The following PIWIL3 variants were observed in gnomAD, a reference collection of about 807,000 sequenced individuals.
The protein encoded by PIWIL3 is piwi-like protein 3.
A neutral mutation model predicts 109.7 loss-of-function variants in PIWIL3; 101 were observed. That is an observed-to-expected ratio of 0.92 (90% CI 0.78 to 1.09). PIWIL3 has a LOEUF of 1.09. Ranked by LOEUF, PIWIL3 falls within the 50% of genes least tolerant of loss-of-function variation. PIWIL3 has a pLI of 0.00. For missense variants in PIWIL3, 1,031 were observed against 1,072.6 expected, an observed-to-expected ratio of 0.96 and a Z score of 0.54; for synonymous variants, 373 against 376.4, an observed-to-expected ratio of 0.99 and a Z score of 0.10.
At chr22:24,728,411 A>G in intron 14 of PIWIL3, 37 bp from the exon 15 acceptor site, 1 of 1,612,576 alleles carries the variant, frequency 6.2e-7, no homozygotes, top group Non-Finnish European at 8.5e-7. Context: ...CCTAAGATAC[A>G]ACAACAGTGA....
chr22:24,739,555 GA>G (rs139722402), intron 12 of PIWIL3, among the ~76,000 whole-genome samples: 5,670 of 149,276 alleles, frequency 0.038, 182 homozygotes, highest in South Asian at 0.13. Flanking sequence ...AGTGCTGTAG[GA>G]AAAAAAAAAT....
At position 24,759,959 on chromosome 22, in the gene PIWIL3, G is replaced by C. The variant is rs963075628; in HGVS notation, c.133C>G (p.Pro45Ala). ...GGGACTTCCTCCTGCAGCGGCCGGGGTGTCGACTGCAACTGAGGGGGCTCC... is the reference window on the plus strand; with the variant it reads ...GGGACTTCCTCCTGCAGCGGCCGGGCTGTCGACTGCAACTGAGGGGGCTCC... ...TQEPPQLQST[P>A]RPLQEEVPVV... Residue 45 changes from proline to alanine, a missense_variant, in exon 3 of 21, where the codon CCC (proline) becomes GCC (alanine). Pro to Ala is a conservative substitution (Grantham distance 27). Coordinates refer to ENST00000616349, the MANE Select transcript of PIWIL3 (RefSeq NM_001255975.1). The C allele has an allele frequency of 2.5e-6, 4 of 1,614,016 alleles. No individual in the cohort carries two copies. In the African/African-American group the frequency reaches 4.0e-5, roughly 16 times the overall value.
chr22:24,725,484 CT>C lies in PIWIL3; in HGVS notation c.2040del (p.Gly681GlufsTer5), dbSNP rs1922937778. 1.9e-6 allele frequency: 3 copies of C among 1,613,980 alleles called. No individual in the cohort carries two copies. In the African/African-American group the frequency reaches 4.0e-5, roughly 22 times the overall value. On this transcript the variant is annotated frameshift_variant, in exon 17 of 21. Coordinates refer to ENST00000616349, the MANE Select transcript of PIWIL3 (RefSeq NM_001255975.1). LOFTEE classifies it high-confidence loss of function. ...KWYSQCVIQK[T>X]GEELVKELEI... is the part of the protein sequence containing the mutation. ...TCCAGCTCTTTCACAAGCTCTTCTC[CT>C]GTTTTCTGGATGACACATTGAGAGT...
chr22:24,757,098 A>AAAAAAAAAAAAAAAAG (rs1555912998), intron 4 of PIWIL3, among the ~76,000 whole-genome samples: 44 of 146,478 alleles, frequency 3.0e-4, no homozygotes, highest in African/African-American at 1.1e-3. Flanking sequence ...AAAAAAAAAA[A>AAAAAAAAAAAAAAAAG]AAAAGAAAAG....
intron 4 of PIWIL3, 66 bp from the exon 5 acceptor site, chr22:24,756,771 C>A: frequency 1.4e-6 from 2 of 1,386,168 alleles, no homozygotes; most frequent in Non-Finnish European, 1.0e-6. Context: ...ACAGTTTGGA[C>A]ACTACAATAT....
intron 12 of PIWIL3, among the ~76,000 whole-genome samples, chr22:24,745,502 A>T (rs1924298553): frequency 1.3e-5 from 2 of 151,886 alleles, no homozygotes; most frequent in South Asian, 4.2e-4. Context: ...AGCCAGAATC[A>T]CCCCACTACA....
At chr22:24,758,958 G>A (rs185134613) in intron 3 of PIWIL3, among the ~76,000 whole-genome samples, 3 of 152,290 alleles carry the variant, frequency 2.0e-5, no homozygotes, top group African/African-American at 4.8e-5. Context: ...CAGTGGCACT[G>A]TCTCAGCTCA....
Position 24,762,101 on chromosome 22 carries a change from T to A in PIWIL3, c.102+297A>T, listed in dbSNP as rs565305058. ...CAGGAAGTTGCTCATTTTGGGTCAC[T>A]TCCAAAGAGGAGTCATTGGCTGAAG... On this transcript the variant is annotated intron_variant, in intron 2 of 20. Coordinates refer to ENST00000616349, the MANE Select transcript of PIWIL3 (RefSeq NM_001255975.1). 9.7e-6 allele frequency: 9 copies of A among 931,574 alleles called. No individual in the cohort carries two copies. In the Admixed American group the frequency reaches 3.5e-4, roughly 36 times the overall value. 57.7% of individuals were successfully genotyped at this position (931,574 alleles called of 1,614,324 possible).
At chr22:24,753,468 T>C (rs944667141) in intron 8 of PIWIL3, among the ~76,000 whole-genome samples, 11 of 152,236 alleles carry the variant, frequency 7.2e-5, no homozygotes, top group Non-Finnish European at 1.5e-4. Flanking sequence ...TTCTGTACTC[T>C]ATTTCATTGG....
At chr22:24,738,393 T>C (rs138769246) in intron 12 of PIWIL3, among the ~76,000 whole-genome samples, 1 of 152,354 alleles carries the variant, frequency 6.6e-6, no homozygotes, top group Non-Finnish European at 1.5e-5. Context: ...CCTAGGGCCT[T>C]GAGCCAACAT....
chr22:24,765,421 C>T (rs914198354), intron 1 of PIWIL3, among the ~76,000 whole-genome samples: 3 of 152,194 alleles, frequency 2.0e-5, no homozygotes, highest in African/African-American at 7.2e-5. Flanking sequence ...GTAGCTTTGG[C>T]AGTGTTTTGG....
At chr22:24,773,099 T>A (rs116184727) in intron 1 of PIWIL3, among the ~76,000 whole-genome samples, 296 of 152,294 alleles carry the variant, frequency 1.9e-3, no homozygotes, top group African/African-American at 6.5e-3. Context: ...GAAAGCTGTG[T>A]GCCAGGGCAT....
chr22:24,742,384 A>AG (rs1222957696), intron 12 of PIWIL3, among the ~76,000 whole-genome samples: 2 of 120,200 alleles, frequency 1.7e-5, no homozygotes, highest in Non-Finnish European at 3.7e-5. Context: ...TCATAGAACT[A>AG]GAAAAAAAAA....
rs1449905427 is a variant in PIWIL3, at chr22:24,723,192, T to A, written c.2295A>T (p.Gly765=). Residue 765 remains glycine (G), a synonymous_variant, in exon 19 of 21, where the codon GGA becomes GGT. Coordinates refer to ENST00000616349, the MANE Select transcript of PIWIL3 (RefSeq NM_001255975.1). ...RINTRFFLKH[G]SNFQNPPPGT... is the part of the protein sequence containing the mutation. ...CTGGAGGTGGATTTTGAAAATTGCT[T>A]CCATGTTTAAGAAAAAATCTAGTGT... is the stretch of plus-strand genomic sequence containing the variant. The A allele has an allele frequency of 3.7e-6, 6 of 1,611,708 alleles. No homozygotes were observed. Among genetic ancestry groups the A allele is most frequent in the Non-Finnish European group, 5.1e-6 (6 of 1,177,952 alleles).
chr22:24,753,992 G>T (rs781411197), intron 8 of PIWIL3, 22 bp downstream of exon 8: 2 of 1,561,390 alleles, frequency 1.3e-6, no homozygotes, highest in South Asian at 2.2e-5. Flanking sequence ...TGATTGGATA[G>T]GTTTTTAAAA....
chr22:24,735,933 A>G, intron 12 of PIWIL3, 41 bp from the exon 13 acceptor site: 1 of 1,475,446 alleles, frequency 6.8e-7, no homozygotes, highest in Non-Finnish European at 9.2e-7. Context: ...ACTTTATTTT[A>G]AAGATCAACT....
Position 24,723,146 on chromosome 22 carries a change from A to G in PIWIL3, c.2341T>C (p.Leu781=), listed in dbSNP as rs1271267689. 1.9e-6 allele frequency: 3 copies of G among 1,613,298 alleles called. No individual in the cohort carries two copies. The highest frequency in any genetic ancestry group is 2.5e-6 in the Non-Finnish European group (3 of 1,179,512). ...GTGGCTTACCATTCATTCCTAGTCA[A>G]CTCTACATCAATAACTGTTCCTGGA... is the stretch of plus-strand genomic sequence containing the variant. ...PPPGTVIDVE[L]TRNEWYDFFI... is the part of the protein sequence containing the mutation. Residue 781 remains leucine (L), a synonymous_variant, in exon 19 of 21, where the codon TTG becomes CTG. Coordinates refer to ENST00000616349, the MANE Select transcript of PIWIL3 (RefSeq NM_001255975.1).
At chr22:24,764,670 T>TGTGTGTGTGTGTGTGTGTGTGTG (rs1407710318) in intron 1 of PIWIL3, among the ~76,000 whole-genome samples, 1 of 56,334 alleles carries the variant, frequency 1.8e-5, no homozygotes, top group African/African-American at 8.0e-5. Flanking sequence ...GTGTGTGTGT[T>TGTGTGTGTGTGTGTGTGTGTGTG]GAGACAGGAT....
chr22:24,728,082 A>T, intron 15 of PIWIL3, 29 bp from the exon 16 acceptor site: 1 of 1,609,586 alleles, frequency 6.2e-7, no homozygotes. Context: ...AAGGTAATGG[A>T]GTTAGAACGT....
Sources: allele counts gnomAD v4.1 joint callset (sites outside exome capture counted in the v4.1 genomes callset), GRCh38; gene constraint gnomAD v4.1.1; transcripts MANE v1.5; gene names NCBI Gene and HGNC (gene_info 2026-07-23, HGNC 2026-07-21).